The following BCL2L13 variants were observed in gnomAD, a reference collection of about 807,000 sequenced individuals.
BCL2L13 encodes the protein BCL2 like 13.
In BCL2L13, 13 loss-of-function variants were observed where a neutral mutation model predicts 25.8. The observed-to-expected ratio is 0.50, with a 90% confidence interval of 0.33 to 0.80. The LOEUF is 0.80. Ranked by LOEUF, BCL2L13 falls within the 30% of genes least tolerant of loss-of-function variation. The pLI is 0.02. For synonymous variants in BCL2L13, 244 were observed against 230.3 expected (o/e 1.06, Z -0.54); for missense variants, 504 against 574.9 (o/e 0.88, Z 1.26).
chr22:17,724,260 G>A (rs1379377782), intron 6 of BCL2L13, among the ~76,000 whole-genome samples: 2 of 152,152 alleles, frequency 1.3e-5, no homozygotes, highest in Non-Finnish European at 2.9e-5. Context: ...GTGACAGAGC[G>A]AGACCCCAAC....
intron 6 of BCL2L13, among the ~76,000 whole-genome samples, chr22:17,709,152 C>T (rs2535710): frequency 0.14 from 21,128 of 151,854 alleles, 1,998 homozygotes; most frequent in Non-Finnish European, 0.21. Context: ...AGGAGAATGG[C>T]GTGAACCCAG....
chr22:17,651,276 G>A (rs1383599618), intron 1 of BCL2L13, among the ~76,000 whole-genome samples: 5 of 151,894 alleles, frequency 3.3e-5, no homozygotes, highest in Admixed American at 2.0e-4. Flanking sequence ...AGGATTATAG[G>A]CGTGAGCCAT....
At chr22:17,632,363 G>T (rs561403945) in intron 1 of BCL2L13, among the ~76,000 whole-genome samples, 4 of 152,286 alleles carry the variant, frequency 2.6e-5, no homozygotes, top group Middle Eastern at 3.4e-3. Context: ...CAGGGCAAGA[G>T]AAACTGATGC....
intron 1 of BCL2L13, among the ~76,000 whole-genome samples, chr22:17,648,302 G>A (rs1601501678): frequency 6.6e-6 from 1 of 152,024 alleles, no homozygotes; most frequent in Non-Finnish European, 1.5e-5. Flanking sequence ...TAATATAAAT[G>A]TGCTAGTTAC....
intron 2 of BCL2L13, among the ~76,000 whole-genome samples, chr22:17,667,199 C>T (rs1286645221): frequency 1.3e-5 from 2 of 151,848 alleles, no homozygotes; most frequent in African/African-American, 2.4e-5. Context: ...TAGTTAGTTT[C>T]CCCCCCAACC....
intron 2 of BCL2L13, among the ~76,000 whole-genome samples, chr22:17,671,142 G>A (rs150208075): frequency 0.012 from 1,820 of 151,818 alleles, 17 homozygotes; most frequent in Non-Finnish European, 0.019. Context: ...CACCTGTAAT[G>A]CCAACACTTT....
intron 2 of BCL2L13, among the ~76,000 whole-genome samples, chr22:17,676,946 A>G (rs930564584): frequency 3.9e-5 from 6 of 152,220 alleles, no homozygotes; most frequent in Non-Finnish European, 8.8e-5. Context: ...TCAAGTTTTT[A>G]TGAATGTAGT....
upstream of BCL2L13, chr22:17,638,504 C>T (rs2146363759): frequency 2.4e-6 from 1 of 423,106 alleles, no homozygotes; most frequent in Non-Finnish European, 4.0e-6. Context: ...CCTGCCCTTC[C>T]TCCAACACAG....
chr22:17,693,381 T>TAG (rs2060170477), intron 4 of BCL2L13, among the ~76,000 whole-genome samples: 1 of 122,332 alleles, frequency 8.2e-6, no homozygotes, highest in African/African-American at 3.3e-5. Context: ...TGTTTTTTTT[T>TAG]TTTTTTTTTT....
chr22:17,675,666 C>T (rs1431265180), intron 2 of BCL2L13, among the ~76,000 whole-genome samples: 1 of 152,106 alleles, frequency 6.6e-6, no homozygotes, highest in African/African-American at 2.4e-5. Context: ...TTACCTTAGC[C>T]TGGAAAAAAA....
intron 3 of BCL2L13, among the ~76,000 whole-genome samples, chr22:17,688,612 C>G (rs536897426): frequency 2.0e-5 from 3 of 152,104 alleles, no homozygotes; most frequent in East Asian, 3.9e-4. Flanking sequence ...CTAAAAGAAC[C>G]TCTAAATTTA....
chr22:17,641,798 G>GA (rs2058294761), intron 1 of BCL2L13, among the ~76,000 whole-genome samples: 1 of 133,696 alleles, frequency 7.5e-6, no homozygotes, highest in Admixed American at 7.7e-5. Flanking sequence ...CATAATATGT[G>GA]TTTTTTTTTT....
upstream of BCL2L13, among the ~76,000 whole-genome samples, chr22:17,636,548 G>A (rs1457615611): frequency 6.6e-6 from 1 of 152,024 alleles, no homozygotes; most frequent in Non-Finnish European, 1.5e-5. Context: ...CCAGCACTTT[G>A]GGAGGCCGAG....
At chr22:17,665,479 T>A (rs2059206662) in intron 2 of BCL2L13, among the ~76,000 whole-genome samples, 1 of 152,188 alleles carries the variant, frequency 6.6e-6, no homozygotes, top group South Asian at 2.1e-4. Context: ...CTTCACATTT[T>A]CGGGTATGTT....
intron 3 of BCL2L13, among the ~76,000 whole-genome samples, chr22:17,686,507 C>CT (rs960835301): frequency 1.0e-4 from 10 of 100,160 alleles, no homozygotes; most frequent in Non-Finnish European, 1.8e-4. Context: ...TTTTATATTT[C>CT]TTTTTTTTTC....
At chr22:17,700,734 G>A (rs1333154447) in intron 5 of BCL2L13, among the ~76,000 whole-genome samples, 2 of 152,118 alleles carry the variant, frequency 1.3e-5, no homozygotes, top group Non-Finnish European at 2.9e-5. Flanking sequence ...TTGTTAAGAA[G>A]GAGTTTTCAA....
intron 1 of BCL2L13, among the ~76,000 whole-genome samples, chr22:17,648,661 AAT>A (rs1215232217): frequency 3.3e-5 from 5 of 152,204 alleles, no homozygotes; most frequent in Admixed American, 3.3e-4. Context: ...TAAATGAATA[AAT>A]ATAATCCTTC....
chr22:17,655,566 C>T, intron 1 of BCL2L13, 96 bp from the exon 2 acceptor site: 1 of 979,756 alleles, frequency 1.0e-6, no homozygotes, highest in Non-Finnish European at 1.4e-6. Flanking sequence ...CAAGACTCTA[C>T]CTCAAAAGAG....
Position 17,686,004 on chromosome 22 carries a change from C to T in BCL2L13, c.229+2683C>T, listed in dbSNP as rs915387314. ...AGCCAGGATGTTCTTGATCTCCTGA[C>T]CTCATGACCCGCCCACCTCAGCCTC... On this transcript the variant is annotated intron_variant, in intron 3 of 6. Transcript: ENST00000317582. Among the ~76,000 whole-genome samples, 15 of 151,426 alleles carry T rather than the reference C, an allele frequency of 9.9e-5. No homozygotes were observed. In the South Asian group the frequency reaches 2.1e-3, roughly 21 times the overall value.
Sources: allele counts gnomAD v4.1 joint callset (sites outside exome capture counted in the v4.1 genomes callset), GRCh38; gene constraint gnomAD v4.1.1; transcripts MANE v1.5; gene names NCBI Gene and HGNC (gene_info 2026-07-23, HGNC 2026-07-21).